The following TFEC variants were observed in gnomAD, a reference collection of about 807,000 sequenced individuals.
The protein encoded by TFEC is transcription factor EC.
A neutral mutation model predicts 41.6 loss-of-function variants in TFEC; 31 were observed. The observed-to-expected ratio is 0.74, with a 90% confidence interval of 0.56 to 1.01. The LOEUF is 1.01. TFEC is among the 50% of genes least tolerant of loss of function. The probability of loss-of-function intolerance (pLI) is 0.00; values close to 1 mark genes in which losing one functional copy is unlikely to be tolerated. For missense variants in TFEC, 402 were observed against 404.1 expected (o/e 0.99, Z 0.04); for synonymous variants, 143 against 140.6 (o/e 1.02, Z -0.12).
chr7:116,046,613 T>C (rs1796171534), intron 3 of TFEC, among the ~76,000 whole-genome samples: 1 of 152,174 alleles, frequency 6.6e-6, no homozygotes, highest in South Asian at 2.1e-4. Context: ...GTCCAAGCCT[T>C]AATCCAACAT....
chr7:115,956,993 G>A (rs1792269459), intron 3 of TFEC, among the ~76,000 whole-genome samples, 200 bp from the exon 4 acceptor site: 1 of 151,796 alleles, frequency 6.6e-6, no homozygotes, highest in South Asian at 2.1e-4. Flanking sequence ...CAGATAAGAT[G>A]CGCTGAAAAA....
chr7:116,052,312 G>A (rs1796329698), intron 3 of TFEC, among the ~76,000 whole-genome samples: 1 of 152,114 alleles, frequency 6.6e-6, no homozygotes, highest in Non-Finnish European at 1.5e-5. Context: ...TTATCAAAAT[G>A]TGTTAAATAT....
intron 3 of TFEC, among the ~76,000 whole-genome samples, chr7:115,962,638 T>G (rs1026182541): frequency 6.6e-6 from 1 of 151,828 alleles, no homozygotes; most frequent in African/African-American, 2.4e-5. Flanking sequence ...GCTATCATCA[T>G]GCAAAAGAAT....
At chr7:116,081,806 T>C (rs1797096545) in intron 3 of TFEC, among the ~76,000 whole-genome samples, 1 of 152,108 alleles carries the variant, frequency 6.6e-6, no homozygotes, top group Non-Finnish European at 1.5e-5. Context: ...GCAACTTAAT[T>C]TGTAGCTTTT....
At chr7:116,012,439 T>G (rs926391913) in intron 1 of TFEC, among the ~76,000 whole-genome samples, 20 of 152,114 alleles carry the variant, frequency 1.3e-4, no homozygotes, top group African/African-American at 4.3e-4. Flanking sequence ...TATGAAGTTG[T>G]GAATGTTCTT....
At chr7:116,053,113 G>A (rs760631081) in intron 3 of TFEC, among the ~76,000 whole-genome samples, 2 of 152,010 alleles carry the variant, frequency 1.3e-5, no homozygotes, top group Non-Finnish European at 2.9e-5. Context: ...GTTAACAATG[G>A]GTTAATCTCT....
Position 116,016,668 on chromosome 7 carries a change from C to T in TFEC, c.-73+13965G>A, listed in dbSNP as rs1795202987. On this transcript the variant is annotated intron_variant, in intron 1 of 7. Coordinates refer to ENST00000265440, the MANE Select transcript of TFEC (RefSeq NM_012252.4). ...AATTTTCACATTTTTTTCTAGGAGG[C>T]CCAGCTACGTAGTATATATAATATA... Among the ~76,000 whole-genome samples, 4 of 151,614 alleles carry T rather than the reference C, an allele frequency of 2.6e-5. No individual in the cohort carries two copies. In the South Asian group the frequency reaches 8.3e-4, roughly 32 times the overall value.
At chr7:116,105,475 G>A (rs144867830) in intron 3 of TFEC, among the ~76,000 whole-genome samples, 31 of 152,260 alleles carry the variant, frequency 2.0e-4, no homozygotes, top group African/African-American at 7.2e-4. Flanking sequence ...CACAGGAGAA[G>A]CACCTTAGTG....
chr7:115,972,779 T>C (rs945335622), intron 3 of TFEC, among the ~76,000 whole-genome samples: 9 of 152,096 alleles, frequency 5.9e-5, no homozygotes, highest in African/African-American at 2.2e-4. Context: ...ACCAATTTTT[T>C]ACTGAGTAAA....
intron 1 of TFEC, among the ~76,000 whole-genome samples, chr7:116,147,240 AG>A (rs1461960740): frequency 6.6e-6 from 1 of 152,212 alleles, no homozygotes; most frequent in African/African-American, 2.4e-5. Context: ...CCTCAAATAT[AG>A]GAAGTTCAAG....
intron 1 of TFEC, among the ~76,000 whole-genome samples, chr7:115,993,863 T>C (rs1794236221): frequency 6.6e-6 from 1 of 152,174 alleles, no homozygotes; most frequent in Non-Finnish European, 1.5e-5. Context: ...TACTTTAAAA[T>C]TCATATGGAA....
chr7:115,963,691 T>C (rs1792689430), intron 3 of TFEC, among the ~76,000 whole-genome samples: 2 of 151,694 alleles, frequency 1.3e-5, no homozygotes, highest in Non-Finnish European at 2.9e-5. Flanking sequence ...ATTTTACTTA[T>C]ATGAGGTACC....
At chr7:116,001,883 G>T (rs1794611730) in intron 1 of TFEC, among the ~76,000 whole-genome samples, 1 of 152,050 alleles carries the variant, frequency 6.6e-6, no homozygotes, top group Non-Finnish European at 1.5e-5. Flanking sequence ...TATATAAAAA[G>T]GTGCTCAAAA....
At chr7:116,043,384 C>A (rs1992444) in intron 3 of TFEC, among the ~76,000 whole-genome samples, 27,213 of 151,720 alleles carry the variant, frequency 0.18, 2,479 homozygotes, top group East Asian at 0.32. Context: ...GTTTTTTAAA[C>A]CTATATGAAC....
At chr7:116,082,424 T>A (rs1430697435) in intron 3 of TFEC, among the ~76,000 whole-genome samples, 1 of 152,026 alleles carries the variant, frequency 6.6e-6, no homozygotes, top group Non-Finnish European at 1.5e-5. Context: ...AAATATATTC[T>A]AACTCACCAG....
intron 1 of TFEC, among the ~76,000 whole-genome samples, chr7:116,010,155 T>C (rs1293480731): frequency 6.6e-6 from 1 of 152,082 alleles, no homozygotes; most frequent in African/African-American, 2.4e-5. Flanking sequence ...AATGACATGG[T>C]CCAAAGGGGC....
At chr7:116,039,545 C>T (rs536768395) in intron 3 of TFEC, among the ~76,000 whole-genome samples, 3 of 151,728 alleles carry the variant, frequency 2.0e-5, no homozygotes, top group South Asian at 2.1e-4. Context: ...AGAAAAATGT[C>T]GTCTTTCAGA....
chr7:116,130,002 A>G (rs1798299127), intron 1 of TFEC, among the ~76,000 whole-genome samples: 2 of 149,206 alleles, frequency 1.3e-5, no homozygotes, highest in African/African-American at 5.0e-5. Flanking sequence ...TTTTTTCTGT[A>G]TTCCTGTCTA....
At chr7:116,049,589 G>A (rs1019431465) in intron 3 of TFEC, among the ~76,000 whole-genome samples, 5 of 152,136 alleles carry the variant, frequency 3.3e-5, no homozygotes, top group African/African-American at 9.7e-5. Context: ...AAGTTAACAA[G>A]GATATACAGG....
Sources: allele counts gnomAD v4.1 joint callset (sites outside exome capture counted in the v4.1 genomes callset), GRCh38; gene constraint gnomAD v4.1.1; transcripts MANE v1.5; gene names NCBI Gene and HGNC (gene_info 2026-07-23, HGNC 2026-07-21).